Variants in MCF2L observed in about 807,000 individuals in gnomAD.
MCF2L encodes guanine nucleotide exchange factor DBS.
MCF2L carries 97 observed loss-of-function variants against 153.4 expected under a neutral mutation model. That is an observed-to-expected ratio of 0.63 (90% CI 0.54 to 0.75). MCF2L has a LOEUF of 0.75. MCF2L is among the 30% of genes least tolerant of loss of function. MCF2L has a pLI of 0.00. For synonymous variants in MCF2L, 659 were observed against 632.2 expected, an observed-to-expected ratio of 1.04 and a Z score of -0.64; for missense variants, 1,347 against 1,495.2, an observed-to-expected ratio of 0.90 and a Z score of 1.64.
chr13:112,898,182 C>T (rs984324487), intron 1 of MCF2L, among the ~76,000 whole-genome samples: 1 of 152,174 alleles, frequency 6.6e-6, no homozygotes, highest in Non-Finnish European at 1.5e-5. Context: ...ATCTTTAGTG[C>T]CCAGTGCCTG....
At chr13:112,982,131 A>C (rs1215982813) in intron 1 of MCF2L, among the ~76,000 whole-genome samples, 1 of 152,166 alleles carries the variant, frequency 6.6e-6, no homozygotes, top group African/African-American at 2.4e-5. Flanking sequence ...AGGGGGACAA[A>C]GGGACAAGAG....
At chr13:112,970,011 C>A (rs1328776142) in intron 1 of MCF2L, among the ~76,000 whole-genome samples, 1 of 152,120 alleles carries the variant, frequency 6.6e-6, no homozygotes, top group Non-Finnish European at 1.5e-5. Flanking sequence ...AATATTACTT[C>A]AAATAAGCTT....
At chr13:112,965,136 TCC>T (rs1250363397), upstream of MCF2L, 1 of 152,730 alleles carries the variant, frequency 6.5e-6, no homozygotes, top group Non-Finnish European at 1.5e-5. Flanking sequence ...GTCCAGCAGC[TCC>T]TCCTCTTCCT....
At chr13:113,015,965 A>G (rs2084486833) in intron 2 of MCF2L, among the ~76,000 whole-genome samples, 1 of 151,888 alleles carries the variant, frequency 6.6e-6, no homozygotes, top group African/African-American at 2.4e-5. Flanking sequence ...CCCTTTCACA[A>G]CCCCAAAGAG....
rs1322322116 is a variant in MCF2L, at chr13:112,941,071, C to T, written c.169+38700C>T. 1.3e-5 allele frequency among the ~76,000 whole-genome samples: 2 copies of T among 152,172 alleles called. No individual in the cohort carries two copies. The highest frequency in any genetic ancestry group is 2.9e-5 in the Non-Finnish European group (2 of 68,040). On this transcript the variant is annotated intron_variant, in intron 2 of 29. Transcript: ENST00000375608. The surrounding 1 kb of genome is among the most constrained non-coding windows in gnomAD (Gnocchi z 4.9). ...AGCAGCCCCGCTGCATCTGGCACCA[C>T]CATAGGGAGCATATTTTTACCATCT...
At chr13:112,977,393 A>G (rs923803184) in intron 1 of MCF2L, among the ~76,000 whole-genome samples, 4 of 151,980 alleles carry the variant, frequency 2.6e-5, no homozygotes, top group African/African-American at 9.7e-5. Flanking sequence ...GAGCTTAGGG[A>G]GGAAGTGGCC....
At chr13:112,940,492 G>C (rs2081564612) in intron 2 of MCF2L, among the ~76,000 whole-genome samples, 1 of 152,242 alleles carries the variant, frequency 6.6e-6, no homozygotes. Flanking sequence ...TGCCGGCTGT[G>C]TACCGCCTGG....
At position 112,917,263 on chromosome 13, in the gene MCF2L, C is replaced by T. The variant is rs569527398; in HGVS notation, c.169+14892C>T. On this transcript the variant is annotated intron_variant, in intron 2 of 29. Transcript: ENST00000375608. Reference sequence around the variant, plus strand: ...GCATCCTACAGGTCTCCCAGAGCCGCGTCATCCACTGCAGCTCCATCCACC... The same window carrying T: ...GCATCCTACAGGTCTCCCAGAGCCGTGTCATCCACTGCAGCTCCATCCACC... 4.7e-4 allele frequency: 210 copies of T among 450,832 alleles called. 4 individuals are homozygous for T. Among genetic ancestry groups the T allele is most frequent in the South Asian group, 2.9e-3 (177 of 61,498 alleles). The allele number at this position is 450,832 out of a possible 1,614,324, so 27.9% of individuals were successfully genotyped here. A position where few individuals can be genotyped will look rare whatever the true frequency, so the allele number is the denominator to read the frequency against.
At chr13:113,055,382 CCACACACACA>C (rs59884971) in intron 4 of MCF2L, among the ~76,000 whole-genome samples, 183 of 15,156 alleles carry the variant, frequency 0.012, 2 homozygotes, top group Non-Finnish European at 0.015. Context: ...CCCCCCCCCG[CCACACACACA>C]CACACACACA....
rs1034284389 is a variant in MCF2L, at chr13:113,054,338, C to T, written c.370-6255C>T. ...GACCATTTGCTAGAGGACCAGTCCC[C>T]AAACGGCCGCGCTTTTAGGATTGGT... On this transcript the variant is annotated intron_variant, in intron 4 of 29. Transcript: ENST00000535094. The surrounding 1 kb of genome is among the most constrained non-coding windows in gnomAD (Gnocchi z 5.2). 3 of 167,716 alleles carry T rather than the reference C, an allele frequency of 1.8e-5. No homozygotes were observed. Among genetic ancestry groups the T allele is most frequent in the Admixed American group, 6.5e-5 (1 of 15,290 alleles). The allele number at this position is 167,716 out of a possible 1,614,324, so 10.4% of individuals were successfully genotyped here.
At chr13:113,003,710 C>T (rs2083512954) in intron 1 of MCF2L, among the ~76,000 whole-genome samples, 1 of 152,180 alleles carries the variant, frequency 6.6e-6, no homozygotes, top group South Asian at 2.1e-4. Flanking sequence ...TTTAGTGTCT[C>T]ACGTCCTCTT....
intron 18 of MCF2L, among the ~76,000 whole-genome samples, chr13:113,084,357 GT>G (rs1488424826): frequency 2.9e-5 from 3 of 102,586 alleles, no homozygotes; most frequent in Non-Finnish European, 6.7e-5. Context: ...AGAACCTTCT[GT>G]ACCCCCAGAA....
chr13:113,027,908 G>T lies in MCF2L; in HGVS notation c.278+3150G>T, dbSNP rs180741405. ...CCAGAGGGGTGTCCTGGGGAGGGCG[G>T]TCATCTCCAAGCCTCCAGGCCTTTG... On this transcript the variant is annotated intron_variant, in intron 3 of 29. Transcript: ENST00000535094. The surrounding 1 kb of genome is among the most constrained non-coding windows in gnomAD (Gnocchi z 4.8). Among the ~76,000 whole-genome samples, 6 of 152,312 alleles carry T rather than the reference G, an allele frequency of 3.9e-5. No individual in the cohort carries two copies. Among genetic ancestry groups the T allele is most frequent in the Admixed American group, 3.9e-4 (6 of 15,300 alleles).
intron 12 of MCF2L, among the ~76,000 whole-genome samples, chr13:113,076,769 G>C (rs527733360): frequency 7.9e-5 from 12 of 152,366 alleles, no homozygotes; most frequent in African/African-American, 2.9e-4. Flanking sequence ...CTTGAGACCA[G>C]GCTCCTCCTG....
rs558240485 is a variant in MCF2L, at chr13:113,031,205, C to G, written c.278+6447C>G. ...ACAGAGACAGAGAGACAGAGACAGA[C>G]AGAGACAGAGACAGAGAGAGACAGA... On this transcript the variant is annotated intron_variant, in intron 3 of 29. Transcript: ENST00000535094. The surrounding 1 kb of genome is among the most constrained non-coding windows in gnomAD (Gnocchi z 5.5). Among the ~76,000 whole-genome samples the G allele has an allele frequency of 6.7e-3, 937 of 140,784 alleles. 11 individuals are homozygous for G. The highest frequency in any genetic ancestry group is 0.023 in the African/African-American group (871 of 38,202). 92.4% of individuals were successfully genotyped at this position (140,784 alleles called of 152,430 possible).
intron 3 of MCF2L, chr13:113,043,257 G>C (rs2086615332): frequency 6.6e-6 from 1 of 152,360 alleles, no homozygotes. Context: ...GGCAGCTTGG[G>C]GCGTTTCTCA....
intron 16 of MCF2L, 41 bp from the exon 17 acceptor site, chr13:113,082,386 C>CAGG: frequency 8.0e-7 from 1 of 1,256,758 alleles, no homozygotes; most frequent in Non-Finnish European, 1.2e-6. Context: ...CCCACAGCAT[C>CAGG]AGGCCCAGGA....
At chr13:112,947,679 AC>A (rs2081651671) in intron 2 of MCF2L, among the ~76,000 whole-genome samples, 1 of 152,104 alleles carries the variant, frequency 6.6e-6, no homozygotes, top group Admixed American at 6.5e-5. Flanking sequence ...GGGGTTGGGC[AC>A]CCCAGGTCTC....
chr13:113,044,508 G>A lies in MCF2L; in HGVS notation c.279-763G>A, dbSNP rs1045693492. 4.9e-5 allele frequency: 43 copies of A among 869,520 alleles called. No individual in the cohort carries two copies. In the East Asian group the frequency reaches 5.5e-4, roughly 11 times the overall value. The allele number at this position is 869,520 out of a possible 1,614,324, so 53.9% of individuals were successfully genotyped here. ...CATGTTCAGAGACTTGGAAGTTAGC[G>A]ATTCTAGCCCCTGCCTTAGGCATGC... is the stretch of plus-strand genomic sequence containing the variant. On this transcript the variant is annotated intron_variant, in intron 3 of 29. Transcript: ENST00000535094.
Sources: gnomAD v4.1 joint callset for allele counts (sites outside exome capture counted in the v4.1 genomes callset) on GRCh38, gnomAD v4.1.1 for gene constraint, Gnocchi (gnomAD v3.1) non-coding constraint, MANE v1.5 for transcripts, NCBI Gene and HGNC (gene_info 2026-07-23, HGNC 2026-07-21) for gene names.